The following KPNA1 variants were observed in gnomAD, a reference collection of about 807,000 sequenced individuals.
KPNA1 encodes importin subunit alpha-5.
A neutral mutation model predicts 70.5 loss-of-function variants in KPNA1; 10 were observed. The observed-to-expected ratio is 0.14, with a 90% CI of 0.09 to 0.24. The LOEUF is 0.24. Among genes scored for constraint, KPNA1 ranks in the 10% least tolerant of loss-of-function variants. KPNA1 has a pLI of 1.00. For synonymous variants in KPNA1, 192 were observed against 221.9 expected (o/e 0.87, Z 1.20); for missense variants, 397 against 637.9 (o/e 0.62, Z 4.07).
chr3:122,460,751 G>A, intron 5 of KPNA1: 2 of 831,894 alleles, frequency 2.4e-6, no homozygotes, highest in Non-Finnish European at 2.9e-6. Context: ...ACAGCAATAA[G>A]TACACAGATT....
chr3:122,428,380 G>A (rs2075851630), intron 12 of KPNA1, among the ~76,000 whole-genome samples: 1 of 152,160 alleles, frequency 6.6e-6, no homozygotes, highest in South Asian at 2.1e-4. Flanking sequence ...TTATGTGAAT[G>A]TTTGGTAAGG....
intron 5 of KPNA1, among the ~76,000 whole-genome samples, chr3:122,457,040 G>C (rs182793991): frequency 6.6e-6 from 1 of 152,318 alleles, no homozygotes; most frequent in Admixed American, 6.5e-5. Flanking sequence ...ATATGTATGA[G>C]AGGAGGGAGT....
At position 122,488,046 on chromosome 3, in the gene KPNA1, A is replaced by G. The variant is rs544982661; in HGVS notation, c.129+8391T>C. Among the ~76,000 whole-genome samples the G allele has an allele frequency of 1.7e-4, 26 of 152,314 alleles. No individual in the cohort carries two copies. The South Asian group carries it at 2.7e-3, about 16-fold the overall frequency. ...GAATGTTGACTAGATGCTTAATATTAAAAAACTAACTTTTTAAAGTATGAT... is the reference window on the plus strand; with the variant it reads ...GAATGTTGACTAGATGCTTAATATTGAAAAACTAACTTTTTAAAGTATGAT... On this transcript the variant is annotated intron_variant, in intron 2 of 13. Transcript: ENST00000344337.
intron 6 of KPNA1, among the ~76,000 whole-genome samples, chr3:122,452,693 G>GGGAGAGAC (rs1394145589): frequency 2.2e-5 from 3 of 137,572 alleles, no homozygotes; most frequent in African/African-American, 5.4e-5. Context: ...GAGGGAGGGA[G>GGGAGAGAC]GGAGAGACGG....
At chr3:122,452,670 AGAAGGAGG>A (rs1181339385) in intron 6 of KPNA1, among the ~76,000 whole-genome samples, 1 of 73,566 alleles carries the variant, frequency 1.4e-5, no homozygotes, top group African/African-American at 5.4e-5. Context: ...AGGAAGCAAG[AGAAGGAGG>A]GAAGGAGGGA....
Position 122,464,048 on chromosome 3 carries a change from T to C in KPNA1, c.238-7A>G, listed in dbSNP as rs1189127123. 5.3e-6 allele frequency: 8 copies of C among 1,512,724 alleles called. No individual in the cohort carries two copies. In the South Asian group the frequency reaches 9.8e-5, roughly 19 times the overall value. The allele number at this position is 1,512,724 out of a possible 1,614,324, so 93.7% of individuals were successfully genotyped here. A position where few individuals can be genotyped will look rare whatever the true frequency, so the allele number is the denominator to read the frequency against. On this transcript the variant is annotated splice_polypyrimidine_tract_variant and splice_region_variant and intron_variant, in intron 3 of 13. Coordinates refer to ENST00000344337, the MANE Select transcript of KPNA1 (RefSeq NM_002264.4). ...CAGAAGTGATGACACCACCCTGCGA[T>C]CACAAACAAAAAGAACATATAATAA...
intron 11 of KPNA1, among the ~76,000 whole-genome samples, chr3:122,436,318 C>G (rs1053685913): frequency 6.6e-6 from 1 of 152,054 alleles, no homozygotes; most frequent in African/African-American, 2.4e-5. Context: ...AATTTCGCCC[C>G]GTGCTCTGCC....
At chr3:122,453,015 C>A (rs1337465962) in intron 6 of KPNA1, among the ~76,000 whole-genome samples, 1 of 152,018 alleles carries the variant, frequency 6.6e-6, no homozygotes, top group Non-Finnish European at 1.5e-5. Context: ...GGTGTGATAT[C>A]GGCTCACTGC....
intron 1 of KPNA1, among the ~76,000 whole-genome samples, chr3:122,506,729 A>G (rs905802720): frequency 1.3e-5 from 2 of 152,150 alleles, no homozygotes; most frequent in African/African-American, 2.4e-5. Flanking sequence ...CCAGTTTCAA[A>G]TGTTTTCCTT....
intron 4 of KPNA1, among the ~76,000 whole-genome samples, chr3:122,462,561 T>C (rs2107745914): frequency 1.3e-5 from 2 of 150,106 alleles, no homozygotes. Context: ...TGCAGGAAGG[T>C]AGCAGAATGG....
intron 1 of KPNA1, among the ~76,000 whole-genome samples, chr3:122,509,247 C>CAAA (rs112225791): frequency 1.6e-5 from 2 of 122,066 alleles, no homozygotes; most frequent in African/African-American, 3.0e-5. Context: ...CTCTATCAAA[C>CAAA]AAAAAAAAAA....
chr3:122,458,370 C>T (rs571253006), intron 5 of KPNA1, among the ~76,000 whole-genome samples: 1 of 152,296 alleles, frequency 6.6e-6, no homozygotes, highest in African/African-American at 2.4e-5. Flanking sequence ...TTCCAAAATC[C>T]TAGATTCCAC....
intron 12 of KPNA1, among the ~76,000 whole-genome samples, chr3:122,428,981 CATT>C (rs2075861427): frequency 6.6e-6 from 1 of 152,108 alleles, no homozygotes; most frequent in Non-Finnish European, 1.5e-5. Flanking sequence ...CTCAACAAAA[CATT>C]ATCAAATCAA....
chr3:122,476,370 G>T (rs548003019), intron 2 of KPNA1, among the ~76,000 whole-genome samples: 1 of 152,284 alleles, frequency 6.6e-6, no homozygotes, highest in African/African-American at 2.4e-5. Context: ...TCTAGACAAT[G>T]ATTTTTTGGA....
chr3:122,460,684 TAC>T, intron 5 of KPNA1: 1 of 908,906 alleles, frequency 1.1e-6, no homozygotes, highest in South Asian at 5.0e-5. Flanking sequence ...ATCCAGAGAT[TAC>T]AAAATTTCCT....
chr3:122,461,417 T>A, intron 4 of KPNA1, 99 bp from the exon 5 acceptor site: 2 of 707,858 alleles, frequency 2.8e-6, no homozygotes, highest in Non-Finnish European at 4.9e-6. Context: ...CCATTTACCA[T>A]CTCTCATGCT....
Position 122,453,921 on chromosome 3 carries a change from C to G in KPNA1, c.513G>C (p.Val171=). 6.2e-7 allele frequency: 1 copy of G among 1,613,328 alleles called. No homozygotes were observed. Among genetic ancestry groups the G allele is most frequent in the Non-Finnish European group, 8.5e-7 (1 of 1,179,476 alleles). Residue 171 remains valine (V), a synonymous_variant, in exon 6 of 14, where the codon GTG becomes GTC. Transcript: ENST00000344337. ...AGCTGAGCAACTCTATGAAGATGGG[C>G]ACAGCTCCTGCCTGAATCACAATTC... ...QTRIVIQAGA[V]PIFIELLSSE...
At chr3:122,494,685 G>T (rs2076737410) in intron 2 of KPNA1, among the ~76,000 whole-genome samples, 1 of 152,072 alleles carries the variant, frequency 6.6e-6, no homozygotes, top group Non-Finnish European at 1.5e-5. Context: ...CTGGTAATTG[G>T]ACAGAAATTG....
intron 9 of KPNA1, among the ~76,000 whole-genome samples, chr3:122,447,931 C>A (rs1235432394): frequency 7.9e-5 from 12 of 151,666 alleles, no homozygotes; most frequent in South Asian, 4.2e-4. Context: ...AAAAAAAAAC[C>A]CCCTCAAAAA....
Sources: allele counts gnomAD v4.1 joint callset (sites outside exome capture counted in the v4.1 genomes callset), GRCh38; gene constraint gnomAD v4.1.1; transcripts MANE v1.5; gene names NCBI Gene and HGNC (gene_info 2026-07-23, HGNC 2026-07-21).